Variants in FAM3D observed in about 807,000 individuals in gnomAD.
The protein encoded by FAM3D is protein FAM3D.
A neutral mutation model predicts 29.8 loss-of-function variants in FAM3D; 26 were observed. The observed-to-expected ratio is 0.87, with a 90% CI of 0.64 to 1.21. The LOEUF (loss-of-function observed/expected upper bound fraction) is 1.21, where lower values mean the gene tolerates loss of function less well. Ranked by LOEUF, FAM3D falls within the 50% of genes most tolerant of loss-of-function variation. The probability of loss-of-function intolerance (pLI) is 0.00; values close to 1 mark genes in which losing one functional copy is unlikely to be tolerated. For missense variants in FAM3D, 253 were observed against 290.9 expected, an observed-to-expected ratio of 0.87 and a Z score of 0.95; for synonymous variants, 115 against 102.3, an observed-to-expected ratio of 1.12 and a Z score of -0.75.
chr3:58,644,280 C>T (rs2066417208), intron 5 of FAM3D, among the ~76,000 whole-genome samples: 1 of 152,206 alleles, frequency 6.6e-6, no homozygotes, highest in African/African-American at 2.4e-5. Context: ...ACCCAAAGCT[C>T]ATCTTGAATT....
intron 8 of FAM3D, among the ~76,000 whole-genome samples, chr3:58,636,815 C>T (rs1046232689): frequency 1.2e-4 from 18 of 152,142 alleles, no homozygotes; most frequent in African/African-American, 3.9e-4. Context: ...CGATTTTCCA[C>T]GTCCTTAAAT....
chr3:58,649,399 G>C lies in FAM3D; in HGVS notation c.122-61C>G, dbSNP rs781140624. 4 of 1,608,768 alleles carry C rather than the reference G, an allele frequency of 2.5e-6. No homozygotes were observed. In the African/African-American group the frequency reaches 5.3e-5, roughly 22 times the overall value. On this transcript the variant is annotated intron_variant, in intron 3 of 9. Coordinates refer to ENST00000358781, the MANE Select transcript of FAM3D (RefSeq NM_138805.3). ...ACTTCGGACCCTCCTGCAGGATGGA[G>C]GTTGGGGGCTGGGGGCTGGGGAGTG... is the stretch of plus-strand genomic sequence containing the variant.
intron 1 of FAM3D, among the ~76,000 whole-genome samples, chr3:58,664,821 G>C (rs569890304): frequency 6.6e-6 from 1 of 152,330 alleles, no homozygotes; most frequent in African/African-American, 2.4e-5. Context: ...TGTCTGCTCC[G>C]CTCCAGGGCA....
chr3:58,641,127 A>C (rs1384309470), intron 6 of FAM3D, among the ~76,000 whole-genome samples: 1 of 152,178 alleles, frequency 6.6e-6, no homozygotes, highest in Non-Finnish European at 1.5e-5. Context: ...ATCCTTAGCA[A>C]TCCTTGTGTT....
intron 1 of FAM3D, among the ~76,000 whole-genome samples, chr3:58,660,708 C>A (rs1304935332): frequency 1.3e-5 from 2 of 152,110 alleles, no homozygotes; most frequent in Admixed American, 1.3e-4. Flanking sequence ...CAAGAAGACA[C>A]GAAAATGTGC....
At chr3:58,650,326 A>T (rs1332832739) in intron 3 of FAM3D, among the ~76,000 whole-genome samples, 1 of 152,192 alleles carries the variant, frequency 6.6e-6, no homozygotes, top group Non-Finnish European at 1.5e-5. Flanking sequence ...AAGCTGGGTC[A>T]ATCATACTAT....
At chr3:58,659,404 C>T (rs1194476871) in intron 1 of FAM3D, among the ~76,000 whole-genome samples, 8 of 152,178 alleles carry the variant, frequency 5.3e-5, no homozygotes, top group Non-Finnish European at 1.2e-4. Context: ...GTACACAGGG[C>T]CTTTAATCTC....
chr3:58,639,615 T>A (rs2066271281), intron 7 of FAM3D, among the ~76,000 whole-genome samples: 1 of 152,096 alleles, frequency 6.6e-6, no homozygotes, highest in Admixed American at 6.5e-5. Flanking sequence ...CCAGGCTCCA[T>A]CCACAGCACC....
At chr3:58,657,310 G>T (rs1179447588) in intron 1 of FAM3D, among the ~76,000 whole-genome samples, 2 of 151,548 alleles carry the variant, frequency 1.3e-5, no homozygotes, top group African/African-American at 4.9e-5. Flanking sequence ...ATTCACAGAG[G>T]GTGTGTACAG....
At chr3:58,640,450 G>A (rs1202930998) in intron 6 of FAM3D, among the ~76,000 whole-genome samples, 2 of 152,122 alleles carry the variant, frequency 1.3e-5, no homozygotes, top group African/African-American at 4.8e-5. Flanking sequence ...AGTTTCTAAC[G>A]CAGGACTTAG....
intron 3 of FAM3D, among the ~76,000 whole-genome samples, chr3:58,650,311 G>A (rs545996376): frequency 6.6e-6 from 1 of 152,284 alleles, no homozygotes; most frequent in African/African-American, 2.4e-5. Context: ...AGTGGCATGA[G>A]ACCCAAGCTG....
intron 7 of FAM3D, among the ~76,000 whole-genome samples, chr3:58,639,472 T>G (rs1252370149): frequency 6.6e-6 from 1 of 152,210 alleles, no homozygotes; most frequent in Non-Finnish European, 1.5e-5. Context: ...TGAACATCAG[T>G]AGGACTCCAG....
At chr3:58,661,469 AT>A (rs2066927950) in intron 1 of FAM3D, among the ~76,000 whole-genome samples, 1 of 152,194 alleles carries the variant, frequency 6.6e-6, no homozygotes, top group African/African-American at 2.4e-5. Context: ...CTTTCCTCCC[AT>A]TCACCTGACA....
At chr3:58,637,390 C>T (rs549577583) in intron 7 of FAM3D, among the ~76,000 whole-genome samples, 165 bp from the exon 8 acceptor site, 1 of 152,188 alleles carries the variant, frequency 6.6e-6, no homozygotes, top group South Asian at 2.1e-4. Flanking sequence ...TCCCTGTAGC[C>T]CTTGTCCTAG....
chr3:58,662,619 G>A (rs1464695154), intron 1 of FAM3D, among the ~76,000 whole-genome samples: 2 of 152,224 alleles, frequency 1.3e-5, no homozygotes, highest in Non-Finnish European at 2.9e-5. Flanking sequence ...GACTTATGTG[G>A]TATGCCATCT....
intron 2 of FAM3D, 133 bp from the exon 3 acceptor site, chr3:58,653,914 A>G (rs188953785): frequency 1.4e-6 from 1 of 718,060 alleles, no homozygotes; most frequent in Non-Finnish European, 2.5e-6. Context: ...GGACCAGACC[A>G]TGGGACCATG....
intron 1 of FAM3D, among the ~76,000 whole-genome samples, chr3:58,655,918 C>T (rs1383957753): frequency 6.6e-6 from 1 of 152,142 alleles, no homozygotes; most frequent in African/African-American, 2.4e-5. Flanking sequence ...TCCATCTATC[C>T]ATTTGTTCAT....
At position 58,636,120 on chromosome 3, in the gene FAM3D, G is replaced by A. The variant is rs560444224; in HGVS notation, c.585+174C>T. On this transcript the variant is annotated intron_variant, in intron 9 of 9. Transcript: ENST00000358781. ...CAGCTTTTGCGAAATGGCCAAGGCA[G>A]CTTCCTGGCCAATCAGACCACCCTG... is the stretch of plus-strand genomic sequence containing the variant. Among the ~76,000 whole-genome samples, 3 of 152,300 alleles carry A rather than the reference G, an allele frequency of 2.0e-5. No individual in the cohort carries two copies. In the East Asian group the frequency reaches 5.8e-4, roughly 29 times the overall value.
Position 58,666,163 on chromosome 3 carries a change from A to G in FAM3D, c.-39+413T>C, listed in dbSNP as rs1161827077. 2.6e-5 allele frequency among the ~76,000 whole-genome samples: 4 copies of G among 152,150 alleles called. No individual in the cohort carries two copies. In the East Asian group the frequency reaches 7.7e-4, roughly 29 times the overall value. Reference sequence around the variant, plus strand: ...GGAATGTGTTTTTTTGAATCAATAGATGAGTGAATGAAAGAATAAATGTTG... The same window carrying G: ...GGAATGTGTTTTTTTGAATCAATAGGTGAGTGAATGAAAGAATAAATGTTG... On this transcript the variant is annotated intron_variant, in intron 1 of 9. Coordinates refer to ENST00000358781, the MANE Select transcript of FAM3D (RefSeq NM_138805.3).
Sources: allele counts gnomAD v4.1 joint callset (sites outside exome capture counted in the v4.1 genomes callset), GRCh38; gene constraint gnomAD v4.1.1; transcripts MANE v1.5; gene names NCBI Gene and HGNC (gene_info 2026-07-23, HGNC 2026-07-21).